PCDH15: variants seen among roughly 807,000 people sequenced by gnomAD.
The protein encoded by PCDH15 is protocadherin related 15.
A neutral mutation model predicts 178.5 loss-of-function variants in PCDH15; 129 were observed. The observed-to-expected ratio is 0.72, with a 90% CI of 0.63 to 0.84. The LOEUF is 0.84. Ranked by LOEUF, PCDH15 falls within the 40% of genes least tolerant of loss-of-function variation. The probability of loss-of-function intolerance (pLI) is 0.00; values close to 1 mark genes in which losing one functional copy is unlikely to be tolerated. For synonymous variants in PCDH15, 800 were observed against 732.0 expected (o/e 1.09, Z -1.50); for missense variants, 2,230 against 2,099.9 (o/e 1.06, Z -1.21).
chr10:55,419,036 A>G, intron 2 of PCDH15, among the ~76,000 whole-genome samples: 1 of 151,786 alleles, frequency 6.6e-6, no homozygotes, highest in East Asian at 1.9e-4. Context: ...TTTTTTAAAC[A>G]CAGAAAAGTT....
chr10:55,196,368 G>A (rs1407615653), intron 1 of PCDH15, among the ~76,000 whole-genome samples: 1 of 151,980 alleles, frequency 6.6e-6, no homozygotes, highest in Non-Finnish European at 1.5e-5. Flanking sequence ...ACCTTTCAAT[G>A]GCTTTATATT....
At chr10:54,186,927 T>C (rs1023094069) in intron 11 of PCDH15, among the ~76,000 whole-genome samples, 1 of 152,054 alleles carries the variant, frequency 6.6e-6, no homozygotes, top group Non-Finnish European at 1.5e-5. Flanking sequence ...TTAGAGTGAA[T>C]TGTGATTAAA....
chr10:54,003,913 C>G (rs374015776), intron 20 of PCDH15, among the ~76,000 whole-genome samples: 1 of 151,840 alleles, frequency 6.6e-6, no homozygotes, highest in Non-Finnish European at 1.5e-5. Flanking sequence ...CAAAGAAATT[C>G]AACATCGTAT....
chr10:54,630,031 G>C (rs1189640587), intron 2 of PCDH15, among the ~76,000 whole-genome samples: 1 of 152,078 alleles, frequency 6.6e-6, no homozygotes, highest in African/African-American at 2.4e-5. Context: ...ATCCAACAAA[G>C]GAGATGAAAG....
intron 18 of PCDH15, among the ~76,000 whole-genome samples, chr10:54,025,425 G>T (rs2135351803): frequency 6.6e-6 from 1 of 151,904 alleles, no homozygotes; most frequent in Admixed American, 6.6e-5. Context: ...CCACTTCCTT[G>T]ATGGTTGTCA....
chr10:54,589,943 G>A (rs1434510751), intron 2 of PCDH15, among the ~76,000 whole-genome samples: 1 of 151,990 alleles, frequency 6.6e-6, no homozygotes, highest in African/African-American at 2.4e-5. Flanking sequence ...ATGAAATTCT[G>A]TGTATTGGAA....
chr10:54,823,419 T>C (rs1175894781), intron 3 of PCDH15, among the ~76,000 whole-genome samples: 1 of 152,162 alleles, frequency 6.6e-6, no homozygotes, highest in Non-Finnish European at 1.5e-5. Flanking sequence ...TGTTATGTAA[T>C]GGTAAAAGCT....
At chr10:54,532,428 A>T (rs1446670466) in intron 2 of PCDH15, among the ~76,000 whole-genome samples, 1 of 152,128 alleles carries the variant, frequency 6.6e-6, no homozygotes, top group African/African-American at 2.4e-5. Context: ...AAGGTTTCCC[A>T]ATATATACTC....
chr10:54,820,390 G>A (rs970831278), intron 3 of PCDH15, among the ~76,000 whole-genome samples: 10 of 152,076 alleles, frequency 6.6e-5, no homozygotes, highest in Non-Finnish European at 1.3e-4. Context: ...ATTTAGTCTT[G>A]TAGGATGCAA....
At chr10:54,640,117 T>C (rs776022524) in intron 2 of PCDH15, among the ~76,000 whole-genome samples, 1 of 152,032 alleles carries the variant, frequency 6.6e-6, no homozygotes, top group African/African-American at 2.4e-5. Context: ...AAAAACCAGT[T>C]AGAAAACAAA....
At position 55,500,317 on chromosome 10, in the gene PCDH15, T is replaced by C. The variant is rs529067139; in HGVS notation, c.-156+127308A>G. On this transcript the variant is annotated intron_variant, in intron 2 of 5. Coordinates refer to the PCDH15 transcript ENST00000613346. ...ATTTAAATATGAAGGACTAAGTCAG[T>C]TGAAGCAATTACATGAAACAGTATA... Among the ~76,000 whole-genome samples the C allele has an allele frequency of 1.1e-3, 167 of 151,850 alleles. 1 individual carries two copies. Among genetic ancestry groups the C allele is most frequent in the Non-Finnish European group, 1.9e-3 (132 of 67,822 alleles).
At chr10:54,963,450 T>C (rs546092064) in intron 2 of PCDH15, among the ~76,000 whole-genome samples, 45 of 152,222 alleles carry the variant, frequency 3.0e-4, no homozygotes, top group African/African-American at 9.6e-4. Context: ...TCCCGTATTT[T>C]TGTTTCATTG....
chr10:53,984,122 C>CTTTTTTTTTTTTTTT (rs57184119), intron 21 of PCDH15, among the ~76,000 whole-genome samples: 2 of 112,692 alleles, frequency 1.8e-5, no homozygotes, highest in African/African-American at 3.6e-5. Context: ...AAGTGCTTTT[C>CTTTTTTTTTTTTTTT]TTTTTTTTTT....
chr10:54,894,518 T>A (rs897531304), intron 3 of PCDH15, among the ~76,000 whole-genome samples: 2 of 152,148 alleles, frequency 1.3e-5, no homozygotes, highest in African/African-American at 4.8e-5. Context: ...ATTAAGAGGT[T>A]ATTCAGATTG....
At chr10:55,392,565 G>A (rs1160284025) in intron 2 of PCDH15, among the ~76,000 whole-genome samples, 1 of 151,972 alleles carries the variant, frequency 6.6e-6, no homozygotes, top group Non-Finnish European at 1.5e-5. Context: ...AAATGTGGAG[G>A]AAATACATTT....
At chr10:54,535,620 G>A (rs535389220) in intron 2 of PCDH15, among the ~76,000 whole-genome samples, 6 of 138,476 alleles carry the variant, frequency 4.3e-5, no homozygotes, top group Non-Finnish European at 7.6e-5. Context: ...TGAGGCAGGA[G>A]AATGGCATGA....
intron 5 of PCDH15, among the ~76,000 whole-genome samples, chr10:54,365,688 A>G (rs991222613): frequency 1.4e-4 from 22 of 152,146 alleles, no homozygotes; most frequent in African/African-American, 5.1e-4. Context: ...ATGATCAGCA[A>G]CTGTGTAATT....
intron 18 of PCDH15, among the ~76,000 whole-genome samples, chr10:54,054,817 G>T: frequency 7.0e-6 from 1 of 143,870 alleles, no homozygotes; most frequent in Non-Finnish European, 1.6e-5. Flanking sequence ...CAAATTGTGT[G>T]GGCTTTTTTC....
chr10:54,163,038 C>A (rs2045873650), intron 13 of PCDH15, among the ~76,000 whole-genome samples: 1 of 151,854 alleles, frequency 6.6e-6, no homozygotes, highest in South Asian at 2.1e-4. Context: ...TATGGTGACC[C>A]CATATCCTGA....
Sources: allele counts gnomAD v4.1 joint callset (sites outside exome capture counted in the v4.1 genomes callset), GRCh38; gene constraint gnomAD v4.1.1; transcripts MANE v1.5; gene names NCBI Gene and HGNC (gene_info 2026-07-23, HGNC 2026-07-21).